Variants in STXBP6 observed in about 807,000 individuals in gnomAD.
STXBP6 encodes the protein syntaxin-binding protein 6.
In STXBP6, 21 loss-of-function variants were observed where a neutral mutation model predicts 26.9. That is an observed-to-expected ratio of 0.78 (90% CI 0.55 to 1.12). The LOEUF is 1.12. Among genes scored for constraint, STXBP6 ranks in the 50% most tolerant of loss-of-function variants. STXBP6 has a pLI of 0.00. For missense variants in STXBP6, 232 were observed against 257.9 expected, an observed-to-expected ratio of 0.90 and a Z score of 0.69; for synonymous variants, 97 against 92.6, an observed-to-expected ratio of 1.05 and a Z score of -0.27.
At chr14:24,869,075 G>T (rs2069830370) in intron 2 of STXBP6, among the ~76,000 whole-genome samples, 1 of 152,176 alleles carries the variant, frequency 6.6e-6, no homozygotes, top group East Asian at 1.9e-4. Flanking sequence ...GTACCTGGTA[G>T]GGTGCCCTAC....
chr14:24,946,393 G>A (rs2140024235), intron 2 of STXBP6, among the ~76,000 whole-genome samples: 2 of 152,254 alleles, frequency 1.3e-5, no homozygotes, highest in South Asian at 4.1e-4. Flanking sequence ...TAAGGTACAG[G>A]AGATCTGCAA....
chr14:24,965,774 T>G (rs80349404), intron 2 of STXBP6, among the ~76,000 whole-genome samples: 17,411 of 152,204 alleles, frequency 0.11, 1,081 homozygotes, highest in African/African-American at 0.14. Context: ...GGGTGGGAAT[T>G]CTTCCAGGGA....
At chr14:24,834,909 A>T (rs755664123) in intron 4 of STXBP6, among the ~76,000 whole-genome samples, 1 of 152,194 alleles carries the variant, frequency 6.6e-6, no homozygotes, top group Non-Finnish European at 1.5e-5. Flanking sequence ...AATTTCAAAA[A>T]GTGCTTCTCA....
intron 2 of STXBP6, among the ~76,000 whole-genome samples, chr14:24,882,787 G>A (rs2070422619): frequency 6.6e-6 from 1 of 152,126 alleles, no homozygotes; most frequent in Non-Finnish European, 1.5e-5. Flanking sequence ...AAGTTTATTT[G>A]TTCATATAAT....
chr14:25,023,236 CT>C (rs532472713), intron 1 of STXBP6, among the ~76,000 whole-genome samples: 124 of 151,390 alleles, frequency 8.2e-4, no homozygotes, highest in African/African-American at 2.9e-3. Flanking sequence ...TGGGAGTCTA[CT>C]TTACTATAAA....
intron 2 of STXBP6, among the ~76,000 whole-genome samples, chr14:24,932,385 T>C (rs1248716084): frequency 6.6e-6 from 1 of 152,170 alleles, no homozygotes; most frequent in Non-Finnish European, 1.5e-5. Context: ...TAGCCGGACA[T>C]GGTGGTACAT....
intron 4 of STXBP6, among the ~76,000 whole-genome samples, chr14:24,819,782 A>C (rs751509847): frequency 2.6e-5 from 4 of 152,230 alleles, no homozygotes; most frequent in Admixed American, 6.5e-5. Flanking sequence ...CTCAAAGCTC[A>C]GAGTAGATGT....
chr14:25,047,041 A>AT (rs1422020432), intron 1 of STXBP6, among the ~76,000 whole-genome samples: 2 of 152,198 alleles, frequency 1.3e-5, no homozygotes, highest in African/African-American at 2.4e-5. Context: ...TAAGCTGTCC[A>AT]TTCGGAAAAG....
Position 24,864,462 on chromosome 14 carries a change from G to C in STXBP6, c.155-7305C>G, listed in dbSNP as rs150750285. Among the ~76,000 whole-genome samples the C allele has an allele frequency of 4.2e-3, 636 of 152,216 alleles. 4 individuals are homozygous for C. Among genetic ancestry groups the C allele is most frequent in the Middle Eastern group, 0.024 (7 of 294 alleles). On this transcript the variant is annotated intron_variant, in intron 2 of 5. Coordinates refer to ENST00000323944, the MANE Select transcript of STXBP6 (RefSeq NM_001394410.1). Reference sequence around the variant, plus strand: ...GAGAAGAGATGGAAGCGTTTCTGCAGCTAAGGAAGCAGGTGAGGGAAGGGC... The same window carrying C: ...GAGAAGAGATGGAAGCGTTTCTGCACCTAAGGAAGCAGGTGAGGGAAGGGC...
intron 4 of STXBP6, among the ~76,000 whole-genome samples, chr14:24,825,695 A>C (rs1379233419): frequency 2.0e-5 from 3 of 152,166 alleles, no homozygotes; most frequent in African/African-American, 7.2e-5. Flanking sequence ...AAAAAGCCCA[A>C]TGCTCCCTCC....
intron 2 of STXBP6, among the ~76,000 whole-genome samples, chr14:24,959,738 G>A (rs2073466657): frequency 6.6e-6 from 1 of 152,180 alleles, no homozygotes; most frequent in South Asian, 2.1e-4. Flanking sequence ...AAAGGTGAAG[G>A]CACTAGCCCA....
rs34895164 is a variant in STXBP6, at chr14:24,900,719, G to C, written c.155-43562C>G. On this transcript the variant is annotated intron_variant, in intron 2 of 5. Coordinates refer to ENST00000323944, the MANE Select transcript of STXBP6 (RefSeq NM_001394410.1). ...ATGGGATCAAAAAAGAAGGAAATGA[G>C]GTCCATATCAGACTGTGAAAATGAC... is the stretch of plus-strand genomic sequence containing the variant. 7.6e-3 allele frequency among the ~76,000 whole-genome samples: 1,164 copies of C among 152,206 alleles called. 10 individuals carry two copies. Among genetic ancestry groups the C allele is most frequent in the Middle Eastern group, 0.02 (6 of 294 alleles).
rs192195152 is a variant in STXBP6 at position 24,853,929 on chromosome 14, A to C, written c.451+2007T>G. Among the ~76,000 whole-genome samples, 209 of 152,218 alleles carry C rather than the reference A, an allele frequency of 1.4e-3. 1 individual carries two copies. The highest frequency in any genetic ancestry group is 3.7e-3 in the South Asian group (18 of 4,830). On this transcript the variant is annotated intron_variant, in intron 4 of 5. Transcript: ENST00000323944. ...CTGAGGATATTCAGGAAGGCAAAGG[A>C]AGAACAAATTAGAGATCTATCAGTC... is the stretch of plus-strand genomic sequence containing the variant.
intron 2 of STXBP6, among the ~76,000 whole-genome samples, chr14:24,929,192 T>G (rs1240873262): frequency 6.6e-6 from 1 of 152,230 alleles, no homozygotes; most frequent in Non-Finnish European, 1.5e-5. Flanking sequence ...TCTGGAAAAT[T>G]ATTCTCTTTG....
intron 2 of STXBP6, among the ~76,000 whole-genome samples, chr14:24,885,870 C>T (rs888961364): frequency 2.6e-5 from 4 of 152,184 alleles, no homozygotes; most frequent in African/African-American, 9.7e-5. Flanking sequence ...GATGGATGCC[C>T]TTTTACTCCA....
In STXBP6 at chr14:24,857,085, C is replaced by T. The variant is rs752590093; in HGVS notation, c.227G>A (p.Arg76Gln). 94 of 1,612,864 alleles carry T rather than the reference C, an allele frequency of 5.8e-5. No homozygotes were observed. Among genetic ancestry groups the T allele is most frequent in the Non-Finnish European group, 7.4e-5 (87 of 1,179,250 alleles). ...KQFEGSTSFV[R>Q]RSQWMLEQLR... is the part of the protein sequence containing the mutation. ...CTGCTCGAGCATCCACTGTGATCTC[C>T]GAACAAATGATGTGGAGCCTTCAAA... The change falls in exon 3 of 6, where the codon CGG becomes CAG. Residue 76 changes from arginine to glutamine, a missense_variant. Transcript: ENST00000323944.
In STXBP6 at chr14:24,940,076, C is replaced by T. The variant is rs148512779; in HGVS notation, c.154+34589G>A. ...CTCTTTTTGAGAAATCTGATATATTCGTACTTTCATAAAGCTGAGAGAGCA... is the reference window on the plus strand; with the variant it reads ...CTCTTTTTGAGAAATCTGATATATTTGTACTTTCATAAAGCTGAGAGAGCA... On this transcript the variant is annotated intron_variant, in intron 2 of 5. Coordinates refer to ENST00000323944, the MANE Select transcript of STXBP6 (RefSeq NM_001394410.1). Among the ~76,000 whole-genome samples, 12 of 152,314 alleles carry T rather than the reference C, an allele frequency of 7.9e-5. 1 individual carries two copies. In the East Asian group the frequency reaches 1.9e-3, roughly 24 times the overall value.
intron 4 of STXBP6, among the ~76,000 whole-genome samples, chr14:24,850,264 A>G (rs945103274): frequency 6.6e-6 from 1 of 151,980 alleles, no homozygotes; most frequent in African/African-American, 2.4e-5. Context: ...GAGTAAAGCC[A>G]TTGGGTTTCC....
chr14:24,870,110 AC>A (rs2069873781), intron 2 of STXBP6, among the ~76,000 whole-genome samples: 1 of 152,184 alleles, frequency 6.6e-6, no homozygotes, highest in African/African-American at 2.4e-5. Context: ...CAGTAAACAG[AC>A]CTACTAATTT....
Sources: allele counts gnomAD v4.1 joint callset (sites outside exome capture counted in the v4.1 genomes callset), GRCh38; gene constraint gnomAD v4.1.1; transcripts MANE v1.5; gene names NCBI Gene and HGNC (gene_info 2026-07-23, HGNC 2026-07-21).